SLC17A1: variants seen among roughly 807,000 people sequenced by gnomAD.
The protein encoded by SLC17A1 is solute carrier family 17 member 1.
A neutral mutation model predicts 53.5 loss-of-function variants in SLC17A1; 51 were observed. That is an observed-to-expected ratio of 0.95 (90% CI 0.76 to 1.20). SLC17A1 has a LOEUF of 1.20. Ranked by LOEUF, SLC17A1 falls within the 50% of genes most tolerant of loss-of-function variation. The pLI, the probability that SLC17A1 is intolerant of heterozygous loss-of-function variation, is 0.00. For synonymous variants in SLC17A1, 179 were observed against 198.8 expected (o/e 0.90, Z 0.84); for missense variants, 538 against 568.2 (o/e 0.95, Z 0.54).
chr6:25,773,652 T>G, the SLC17A1 span: 3 of 1,613,654 alleles, frequency 1.9e-6, no homozygotes, highest in Non-Finnish European at 2.5e-6. Context: ...ATCAGCTCGG[T>G]ACTTCAAGCC....
intron 12 of SLC17A1, among the ~76,000 whole-genome samples, chr6:25,792,450 A>G (rs1389983977): frequency 6.6e-6 from 1 of 151,042 alleles, no homozygotes. Flanking sequence ...AGTCTTCCAC[A>G]TATTTGGGCT....
the SLC17A1 span, chr6:25,726,534 G>C: frequency 3.7e-6 from 6 of 1,600,432 alleles, no homozygotes; most frequent in Non-Finnish European, 4.3e-6. Context: ...ACATCTCCTC[G>C]CATCAAATTG....
the SLC17A1 span, among the ~76,000 whole-genome samples, chr6:25,758,986 A>G: frequency 1.3e-5 from 2 of 151,988 alleles, no homozygotes; most frequent in Non-Finnish European, 2.9e-5. Context: ...AGAGGTTTTG[A>G]TAGGTTATGT....
In SLC17A1 at chr6:25,821,158, G is replaced by A. The variant is rs115040970; in HGVS notation, c.208-1243C>T. On this transcript the variant is annotated intron_variant, in intron 3 of 12. Transcript: ENST00000244527. ...TCCTGAATAAACAGTGAATGTGCTG[G>A]ATGTTATTTTTGGTTGAATATTAAA... Among the ~76,000 whole-genome samples, 687 of 152,220 alleles carry A rather than the reference G, an allele frequency of 4.5e-3. 4 individuals are homozygous for A. The highest frequency in any genetic ancestry group is 0.016 in the African/African-American group (669 of 41,530).
Position 25,786,280 on chromosome 6 carries a change from A to C in SLC17A1, c.*3-3062T>G, listed in dbSNP as rs145670750. Among the ~76,000 whole-genome samples, 578 of 152,350 alleles carry C rather than the reference A, an allele frequency of 3.8e-3. 2 individuals carry two copies. The highest frequency in any genetic ancestry group is 6.2e-3 in the Non-Finnish European group (422 of 68,034). On this transcript the variant is annotated intron_variant, in intron 12 of 12. Coordinates refer to ENST00000244527, the MANE Select transcript of SLC17A1 (RefSeq NM_005074.5). ...ACAGAATAGGCAAATCAATATAGAC[A>C]AATTATATCAATGGTTGCTTAGAGC...
Position 25,826,480 on chromosome 6 carries a change from T to G in SLC17A1, c.188A>C (p.Lys63Thr). The G allele has an allele frequency of 6.2e-7, 1 of 1,605,772 alleles. No individual in the cohort carries two copies. The highest frequency in any genetic ancestry group is 8.5e-7 in the Non-Finnish European group (1 of 1,176,702). Residue 63 changes from lysine (K) to threonine (T), a missense_variant, in exon 3 of 13, where the codon AAG (lysine) becomes ACG (threonine). Physicochemically the swap from Lys to Thr is moderately conservative, Grantham distance 78. Coordinates refer to ENST00000244527, the MANE Select transcript of SLC17A1 (RefSeq NM_005074.5). ...PHGLPNTSTK[K>T]LLDNIKNPMY... Reference sequence around the variant, plus strand: ...ATGTACCTTTATATTATCCAGGAGCTTCTTTGTGGAGGTGTTGGGCAAACC... The same window carrying G: ...ATGTACCTTTATATTATCCAGGAGCGTCTTTGTGGAGGTGTTGGGCAAACC...
At chr6:25,805,088 T>G (rs565543204) in intron 10 of SLC17A1, among the ~76,000 whole-genome samples, 1 of 152,270 alleles carries the variant, frequency 6.6e-6, no homozygotes, top group Non-Finnish European at 1.5e-5. Context: ...TACGGTCCTC[T>G]TATCAGCACA....
chr6:25,806,916 T>C (rs1014762683), intron 10 of SLC17A1, among the ~76,000 whole-genome samples: 2 of 151,840 alleles, frequency 1.3e-5, no homozygotes, highest in Non-Finnish European at 2.9e-5. Flanking sequence ...CCAATAAACA[T>C]AAGAAAAAAT....
At position 25,811,565 on chromosome 6, in the gene SLC17A1, A is replaced by C. The variant is rs1764158613; in HGVS notation, c.1031-20T>G. 3.1e-6 allele frequency: 5 copies of C among 1,613,654 alleles called. No homozygotes were observed. Among genetic ancestry groups the C allele is most frequent in the Non-Finnish European group, 4.2e-6 (5 of 1,179,726 alleles). Reference sequence around the variant, plus strand: ...GAAATCCTGGGGAGTGATTCAGACAACATAGTCAGGTGCATCCTAAAGATA... The same window carrying C: ...GAAATCCTGGGGAGTGATTCAGACACCATAGTCAGGTGCATCCTAAAGATA... On this transcript the variant is annotated intron_variant, in intron 9 of 12. Transcript: ENST00000244527.
Position 25,811,784 on chromosome 6 carries a change from A to G in SLC17A1, c.898-14T>C, listed in dbSNP as rs1764168391. ...CAAGAACCCATTCTGAAGAGGAAAC[A>G]TTATTCTTGGAGTGAGTTTGATGGG... On this transcript the variant is annotated splice_polypyrimidine_tract_variant and intron_variant, in intron 8 of 12. Coordinates refer to ENST00000244527, the MANE Select transcript of SLC17A1 (RefSeq NM_005074.5). 2 of 1,613,268 alleles carry G rather than the reference A, an allele frequency of 1.2e-6. No individual in the cohort carries two copies. The highest frequency in any genetic ancestry group is 1.7e-5 in the Admixed American group (1 of 59,982).
chr6:25,761,105 G>T, the SLC17A1 span, among the ~76,000 whole-genome samples: 3 of 152,182 alleles, frequency 2.0e-5, no homozygotes, highest in African/African-American at 7.2e-5. Flanking sequence ...TTTTTAGCTG[G>T]GGATGAGTTC....
chr6:25,760,444 G>A, the SLC17A1 span, among the ~76,000 whole-genome samples: 1 of 151,982 alleles, frequency 6.6e-6, no homozygotes, highest in African/African-American at 2.4e-5. Context: ...ATATGTTTAG[G>A]TGTAAATTTC....
At chr6:25,785,233 T>C (rs1763356160) in intron 12 of SLC17A1, among the ~76,000 whole-genome samples, 2 of 152,068 alleles carry the variant, frequency 1.3e-5, no homozygotes, top group South Asian at 2.1e-4. Flanking sequence ...TTCAAAATAT[T>C]GTAGAAAGAA....
the SLC17A1 span, among the ~76,000 whole-genome samples, chr6:25,764,696 G>T: frequency 1.3e-5 from 2 of 152,180 alleles, no homozygotes; most frequent in African/African-American, 4.8e-5. Context: ...AAGCTGGGCA[G>T]ACCACAGACC....
chr6:25,788,473 G>C (rs1763431166), intron 12 of SLC17A1, among the ~76,000 whole-genome samples: 1 of 152,164 alleles, frequency 6.6e-6, no homozygotes, highest in Non-Finnish European at 1.5e-5. Context: ...CAGTGGCCCA[G>C]TGAGAGGTGT....
chr6:25,812,508 G>C (rs912624983), intron 8 of SLC17A1, among the ~76,000 whole-genome samples: 1 of 152,134 alleles, frequency 6.6e-6, no homozygotes, highest in African/African-American at 2.4e-5. Flanking sequence ...TTCATAGGAG[G>C]CCCCCAGTCC....
At chr6:25,813,910 C>T (rs142647847) in intron 6 of SLC17A1, among the ~76,000 whole-genome samples, 1,729 of 152,304 alleles carry the variant, frequency 0.011, 19 homozygotes, top group Admixed American at 0.028. Flanking sequence ...GCAAAGGACA[C>T]GATCTCCTTC....
chr6:25,765,851 C>T, the SLC17A1 span, among the ~76,000 whole-genome samples: 1 of 151,834 alleles, frequency 6.6e-6, no homozygotes, highest in Non-Finnish European at 1.5e-5. Context: ...GAACTCAAAT[C>T]ATGAAAAAAT....
rs761085335 is a variant in SLC17A1, at chr6:25,800,963, T to G, written c.1196A>C (p.Lys399Thr). The G allele has an allele frequency of 1.3e-6, 2 of 1,594,184 alleles. No individual in the cohort carries two copies. Among genetic ancestry groups the G allele is most frequent in the Non-Finnish European group, 1.7e-6 (2 of 1,162,148 alleles). The stretch of plus-strand genomic sequence containing the variant: ...CATTCCAGTTAAAGTTGAACATGCT[T>G]TAATAAATCCAAAATATCTATGCAT... Reference protein sequence around the residue: ...DIAPRYFGFIKACSTLTGMIG... With the variant: ...DIAPRYFGFITACSTLTGMIG... Residue 399 changes from lysine to threonine, a missense_variant, in exon 11 of 13, where the codon AAA becomes ACA. Transcript: ENST00000244527.
Sources: allele counts gnomAD v4.1 joint callset (sites outside exome capture counted in the v4.1 genomes callset), GRCh38; gene constraint gnomAD v4.1.1; transcripts MANE v1.5; gene names NCBI Gene and HGNC (gene_info 2026-07-23, HGNC 2026-07-21).